ZMYM2: variants seen among roughly 807,000 people sequenced by gnomAD.
The protein encoded by ZMYM2 is zinc finger MYM-type protein 2.
In ZMYM2, 56 loss-of-function variants were observed where a neutral mutation model predicts 162.8. The observed-to-expected ratio is 0.34, with a 90% CI of 0.28 to 0.43. The LOEUF (loss-of-function observed/expected upper bound fraction) is 0.43. ZMYM2 is among the 20% of genes least tolerant of loss of function. The pLI is 1.00. For missense variants in ZMYM2, 1,275 were observed against 1,621.8 expected (o/e 0.79, Z 3.67); for synonymous variants, 510 against 541.6 (o/e 0.94, Z 0.81).
intron 2 of ZMYM2, among the ~76,000 whole-genome samples, chr13:19,980,469 T>C (rs1957218766): frequency 6.6e-6 from 1 of 152,018 alleles, no homozygotes; most frequent in Non-Finnish European, 1.5e-5. Flanking sequence ...TTCCTGTTCT[T>C]GGCTGGGCGT....
rs766413826 is a variant in ZMYM2, at chr13:20,062,855, T to C, written c.2921T>C (p.Ile974Thr). 11 of 1,571,912 alleles carry C rather than the reference T, an allele frequency of 7.0e-6. No individual in the cohort carries two copies. The Admixed American group carries it at 9.4e-5, about 13-fold the overall frequency. ...TATGGATTGATTTCAGGTGTAATTA[T>C]TGAAACAGATATAATTGGTTCAGAC... ...TETTNINSVI[I>T]ETDIIGSDLL... The change falls in exon 18 of 25, where the codon ATT (isoleucine) becomes ACT (threonine). Residue 974 changes from isoleucine to threonine, a missense_variant. Ile to Thr is a moderately conservative substitution (Grantham distance 89, BLOSUM62 -1). Coordinates refer to ENST00000610343, the MANE Select transcript of ZMYM2 (RefSeq NM_197968.4).
At chr13:19,934,326 A>G in the ZMYM2 span, among the ~76,000 whole-genome samples, 1 of 151,944 alleles carries the variant, frequency 6.6e-6, no homozygotes, top group Non-Finnish European at 1.5e-5. Flanking sequence ...ATGCCTGGCT[A>G]ATTTTTGTAT....
At chr13:19,965,252 C>G (rs1315381874) in intron 2 of ZMYM2, 1 of 1,300,856 alleles carries the variant, frequency 7.7e-7, no homozygotes, top group South Asian at 1.2e-5. Flanking sequence ...CTGCCGTAGT[C>G]ACCTGGATAC....
chr13:20,059,652 T>A, intron 16 of ZMYM2, 90 bp downstream of exon 16: 1 of 711,178 alleles, frequency 1.4e-6, no homozygotes. Flanking sequence ...ACAACAAGAG[T>A]TTGAACTCCA....
chr13:20,012,827 C>G (rs1052721534), intron 6 of ZMYM2, among the ~76,000 whole-genome samples: 1 of 152,100 alleles, frequency 6.6e-6, no homozygotes, highest in South Asian at 2.1e-4. Flanking sequence ...CATGTGTGAT[C>G]TTATGTATGT....
intron 7 of ZMYM2, 195 bp downstream of exon 7, chr13:20,019,813 T>G (rs1951921035): frequency 3.5e-6 from 2 of 570,432 alleles, no homozygotes; most frequent in Middle Eastern, 4.9e-4. Context: ...TGTATTTTCT[T>G]GTGATATGCT....
intron 2 of ZMYM2, among the ~76,000 whole-genome samples, chr13:19,984,952 T>C (rs1371164461): frequency 2.6e-5 from 4 of 152,178 alleles, no homozygotes; most frequent in Non-Finnish European, 5.9e-5. Context: ...TTTTCTTCTG[T>C]TTTAAGTATG....
chr13:20,052,705 C>G (rs375152770), intron 14 of ZMYM2, among the ~76,000 whole-genome samples: 2 of 152,166 alleles, frequency 1.3e-5, no homozygotes, highest in South Asian at 2.1e-4. Flanking sequence ...TACGAATAAG[C>G]TGACTGTAAA....
the ZMYM2 span, among the ~76,000 whole-genome samples, chr13:19,898,744 G>A: frequency 6.6e-6 from 1 of 151,434 alleles, no homozygotes; most frequent in Non-Finnish European, 1.5e-5. Flanking sequence ...TGGGCAACAA[G>A]GCAAGACCCT....
the ZMYM2 span, among the ~76,000 whole-genome samples, chr13:19,937,777 A>G: frequency 1.6e-5 from 2 of 125,792 alleles, no homozygotes; most frequent in Admixed American, 8.0e-5. Flanking sequence ...TCCTAGTGCT[A>G]TCCCTCCCCC....
chr13:19,925,961 A>G, the ZMYM2 span, among the ~76,000 whole-genome samples: 457 of 151,902 alleles, frequency 3.0e-3, 2 homozygotes, highest in African/African-American at 0.01. Context: ...AGAAGATGAA[A>G]ATTATCTTTT....
rs148078799 is a variant in ZMYM2 at position 20,083,809 on chromosome 13, G to A, written c.3941+33G>A. On this transcript the variant is annotated intron_variant, in intron 24 of 24. Transcript: ENST00000610343. ...TTAATGATACTTAACTTTTAAAAAT[G>A]TTGGTAGAAGTTGGCTGGTTTAAAT... is the stretch of plus-strand genomic sequence containing the variant. 1.0e-3 allele frequency: 1,626 copies of A among 1,577,542 alleles called. 11 individuals are homozygous for A. In the African/African-American group the frequency reaches 0.019, roughly 18 times the overall value.
At position 20,083,814 on chromosome 13, in the gene ZMYM2, T is replaced by C. The variant is rs778227479; in HGVS notation, c.3941+38T>C. ...GATACTTAACTTTTAAAAATGTTGG[T>C]AGAAGTTGGCTGGTTTAAATTTAAC... On this transcript the variant is annotated intron_variant, in intron 24 of 24. Coordinates refer to ENST00000610343, the MANE Select transcript of ZMYM2 (RefSeq NM_197968.4). 9 of 1,578,048 alleles carry C rather than the reference T, an allele frequency of 5.7e-6. No individual in the cohort carries two copies. The South Asian group carries it at 1.1e-4, about 19-fold the overall frequency.
In ZMYM2 at chr13:20,005,133, A is replaced by G. The variant is rs1594305253; in HGVS notation, c.1193A>G (p.Gln398Arg). ...CAAGTGGATTCAAGTGAGTCCTTCC[A>G]GGAATTCTGTAGTACATCTTGTTTA... ...VAQVDSSESF[Q>R]EFCSTSCLSL... is the part of the protein sequence containing the mutation. Residue 398 changes from glutamine to arginine, a missense_variant, in exon 5 of 25, where the codon CAG (glutamine) becomes CGG (arginine). Gln to Arg is a conservative substitution (Grantham distance 43, BLOSUM62 1). Around this residue, in one of 10 missense-constraint regions of ZMYM2, gnomAD observed 3 missense variants for 16.8 expected, o/e 0.18. Coordinates refer to ENST00000610343, the MANE Select transcript of ZMYM2 (RefSeq NM_197968.4). 1 of 1,606,304 alleles carries G rather than the reference A, an allele frequency of 6.2e-7. No individual in the cohort carries two copies. The highest frequency in any genetic ancestry group is 8.5e-7 in the Non-Finnish European group (1 of 1,177,458).
At chr13:19,988,217 G>GA (rs1484357344) in intron 2 of ZMYM2, among the ~76,000 whole-genome samples, 1 of 152,118 alleles carries the variant, frequency 6.6e-6, no homozygotes, top group Non-Finnish European at 1.5e-5. Context: ...GTATGTTTTT[G>GA]AAAATATTTC....
chr13:19,931,871 G>A, the ZMYM2 span, among the ~76,000 whole-genome samples: 124 of 152,202 alleles, frequency 8.1e-4, no homozygotes, highest in South Asian at 3.1e-3. Context: ...GTGATCCTCC[G>A]GCCTTGGACT....
chr13:20,030,299 C>G (rs1400607540), intron 9 of ZMYM2, among the ~76,000 whole-genome samples: 1 of 149,078 alleles, frequency 6.7e-6, no homozygotes, highest in East Asian at 2.0e-4. Flanking sequence ...GGTGTGATCT[C>G]GGCTCACTGC....
chr13:19,917,727 C>T, the ZMYM2 span, among the ~76,000 whole-genome samples: 128 of 152,192 alleles, frequency 8.4e-4, 2 homozygotes, highest in Admixed American at 1.6e-3. Flanking sequence ...GTTGTCTCCA[C>T]TGTGCTCTCC....
the ZMYM2 span, among the ~76,000 whole-genome samples, chr13:19,865,799 C>T: frequency 2.6e-5 from 4 of 151,806 alleles, no homozygotes; most frequent in Non-Finnish European, 2.9e-5. Context: ...CGAGGGTTGT[C>T]GAAAATTTAG....
Sources: allele counts gnomAD v4.1 joint callset (sites outside exome capture counted in the v4.1 genomes callset), GRCh38; gene constraint gnomAD v4.1.1; regional missense constraint gnomAD v4.1.1; transcripts MANE v1.5; gene names NCBI Gene and HGNC (gene_info 2026-07-23, HGNC 2026-07-21).